COX16: variants seen among roughly 807,000 people sequenced by gnomAD.
The protein encoded by COX16 is cytochrome c oxidase assembly protein COX16 homolog, mitochondrial.
COX16 carries 12 observed loss-of-function variants against 15.4 expected under a neutral mutation model. That is an observed-to-expected ratio of 0.78 (90% CI 0.50 to 1.26). The LOEUF (loss-of-function observed/expected upper bound fraction) is 1.26, where lower values mean the gene tolerates loss of function less well. Ranked by LOEUF, COX16 falls within the 50% of genes most tolerant of loss-of-function variation. The pLI is 0.00. For missense variants in COX16, 124 were observed against 127.6 expected (o/e 0.97, Z 0.14); for synonymous variants, 46 against 41.1 (o/e 1.12, Z -0.46).
Position 70,328,992 on chromosome 14 carries a change from AATTT to A in COX16, c.204+178_204+181del, listed in dbSNP as rs535209380. 5.3e-5 allele frequency among the ~76,000 whole-genome samples: 8 copies of A among 152,048 alleles called. No individual in the cohort carries two copies. The South Asian group carries it at 6.2e-4, about 12-fold the overall frequency. The stretch of plus-strand genomic sequence containing the variant: ...ACTTTCAAATTCTTGATCCATCTGG[AATTT>A]ATTTATTTGTAGTATATTAAGTATG... On this transcript the variant is annotated intron_variant, in intron 3 of 3. Coordinates refer to ENST00000389912, the MANE Select transcript of COX16 (RefSeq NM_016468.7).
chr14:70,327,036 T>C (rs1886102393), intron 3 of COX16, among the ~76,000 whole-genome samples: 1 of 152,206 alleles, frequency 6.6e-6, no homozygotes, highest in South Asian at 2.1e-4. Context: ...AGCACAAAAA[T>C]AGTTGGAATA....
At chr14:70,349,260 C>T (rs868209335) in intron 1 of COX16, among the ~76,000 whole-genome samples, 1 of 152,194 alleles carries the variant, frequency 6.6e-6, no homozygotes. Flanking sequence ...CTTTTCCTAC[C>T]CACCAAGCCC....
chr14:70,328,773 G>A (rs1230602896), intron 3 of COX16, among the ~76,000 whole-genome samples: 1 of 152,016 alleles, frequency 6.6e-6, no homozygotes, highest in Non-Finnish European at 1.5e-5. Context: ...TATATCTGTA[G>A]GATTTCTCAT....
intron 1 of COX16, among the ~76,000 whole-genome samples, chr14:70,351,121 G>A (rs749322715): frequency 6.6e-6 from 1 of 152,200 alleles, no homozygotes; most frequent in Non-Finnish European, 1.5e-5. Flanking sequence ...CATTAGGGTA[G>A]TATTTTGCCT....
intron 2 of COX16, among the ~76,000 whole-genome samples, chr14:70,338,857 TCC>T (rs911330936): frequency 6.6e-6 from 1 of 152,154 alleles, no homozygotes; most frequent in Non-Finnish European, 1.5e-5. Context: ...CATTCCTGTC[TCC>T]ACCATGCCCA....
chr14:70,345,310 T>A (rs1014154381), intron 1 of COX16, among the ~76,000 whole-genome samples: 1 of 152,264 alleles, frequency 6.6e-6, no homozygotes, highest in Non-Finnish European at 1.5e-5. Flanking sequence ...AGGCACTCGC[T>A]GATCATCTGG....
intron 1 of COX16, 148 bp downstream of exon 1, chr14:70,359,371 T>G: frequency 1.4e-6 from 1 of 722,192 alleles, no homozygotes; most frequent in Non-Finnish European, 2.5e-6. Context: ...TGGAAGAGCT[T>G]TTAGGAAAGC....
At chr14:70,359,320 G>A (rs1393021453) in intron 1 of COX16, 199 bp downstream of exon 1, 4 of 657,700 alleles carry the variant, frequency 6.1e-6, no homozygotes, top group Admixed American at 4.1e-5. Context: ...AACCGGGAGT[G>A]GGGGACAGCG....
intron 2 of COX16, among the ~76,000 whole-genome samples, chr14:70,338,596 T>C (rs112753547): frequency 2.7e-3 from 404 of 152,294 alleles, no homozygotes; most frequent in African/African-American, 9.4e-3. Flanking sequence ...TGTTCACCCA[T>C]AGGATATTTT....
intron 1 of COX16, chr14:70,359,114 G>C: frequency 2.2e-6 from 1 of 450,068 alleles, no homozygotes; most frequent in South Asian, 1.6e-5. Context: ...CCACAGTATC[G>C]TCAAAACATA....
At chr14:70,332,622 T>C (rs772325255) in intron 2 of COX16, among the ~76,000 whole-genome samples, 74 of 152,326 alleles carry the variant, frequency 4.9e-4, no homozygotes, top group African/African-American at 1.7e-3. Context: ...TCTTCTACAG[T>C]AGATCCCGAG....
intron 2 of COX16, among the ~76,000 whole-genome samples, chr14:70,342,119 C>G (rs1350753422): frequency 4.6e-5 from 7 of 152,114 alleles, no homozygotes; most frequent in African/African-American, 1.7e-4. Flanking sequence ...TGGGAGAATG[C>G]TAACAACATT....
chr14:70,358,792 A>G (rs1887209114), intron 1 of COX16, among the ~76,000 whole-genome samples: 1 of 152,220 alleles, frequency 6.6e-6, no homozygotes, highest in African/African-American at 2.4e-5. Context: ...AGCAAATAAG[A>G]GTCATCTGGA....
At chr14:70,346,436 T>C (rs1886784332) in intron 1 of COX16, among the ~76,000 whole-genome samples, 1 of 152,174 alleles carries the variant, frequency 6.6e-6, no homozygotes, top group Non-Finnish European at 1.5e-5. Flanking sequence ...GTCCAGACAA[T>C]GCCCAAATCC....
chr14:70,352,188 T>G (rs1422756879), intron 1 of COX16, among the ~76,000 whole-genome samples: 1 of 152,208 alleles, frequency 6.6e-6, no homozygotes, highest in African/African-American at 2.4e-5. Flanking sequence ...ACTTTTTTAT[T>G]TATTTATTTA....
intron 2 of COX16, among the ~76,000 whole-genome samples, chr14:70,334,980 A>G (rs1008405171): frequency 6.6e-6 from 1 of 152,218 alleles, no homozygotes; most frequent in Non-Finnish European, 1.5e-5. Context: ...ATAAAGATAC[A>G]CATAAACTGC....
chr14:70,357,158 C>CCAAAAAAAAAAAAAA (rs1230639115), intron 1 of COX16, among the ~76,000 whole-genome samples: 1 of 78,700 alleles, frequency 1.3e-5, no homozygotes, highest in African/African-American at 4.8e-5. Flanking sequence ...AAGCGTTTGT[C>CCAAAAAAAAAAAAAA]AAAAAAAAAA....
intron 1 of COX16, 27 bp downstream of exon 1, chr14:70,359,492 G>A (rs770989825): frequency 8.1e-6 from 13 of 1,603,858 alleles, no homozygotes; most frequent in Non-Finnish European, 1.1e-5. Context: ...CCCACCCCTT[G>A]CGGAAGATCC....
Position 70,357,171 on chromosome 14 carries a change from A to C in COX16, c.69+2348T>G, listed in dbSNP as rs1466825557. 8.2e-5 allele frequency among the ~76,000 whole-genome samples: 12 copies of C among 145,840 alleles called. No homozygotes were observed. In the East Asian group the frequency reaches 1.5e-3, roughly 19 times the overall value. Reference sequence around the variant, plus strand: ...GGAAGCGTTTGTCAAAAAAAAAAAAAAAAAAAAAAAAAAAAAAAAATTCAG... The same window carrying C: ...GGAAGCGTTTGTCAAAAAAAAAAAACAAAAAAAAAAAAAAAAAAAATTCAG... On this transcript the variant is annotated intron_variant, in intron 1 of 3. Transcript: ENST00000389912.
Sources: allele counts gnomAD v4.1 joint callset (sites outside exome capture counted in the v4.1 genomes callset), GRCh38; gene constraint gnomAD v4.1.1; transcripts MANE v1.5; gene names NCBI Gene and HGNC (gene_info 2026-07-23, HGNC 2026-07-21).